Variants in KLF17 observed in about 807,000 individuals in gnomAD.
KLF17 encodes Krueppel-like factor 17.
A neutral mutation model predicts 34.2 loss-of-function variants in KLF17; 31 were observed. That is an observed-to-expected ratio of 0.91 (90% CI 0.68 to 1.22). The LOEUF is 1.22. KLF17 is among the 50% of genes most tolerant of loss of function. KLF17 has a pLI of 0.00. For synonymous variants in KLF17, 179 were observed against 186.7 expected, an observed-to-expected ratio of 0.96 and a Z score of 0.34; for missense variants, 478 against 505.2, an observed-to-expected ratio of 0.95 and a Z score of 0.52.
intron 1 of KLF17, among the ~76,000 whole-genome samples, chr1:44,124,334 C>CT (rs562700840): frequency 0.013 from 1,778 of 137,738 alleles, 20 homozygotes; most frequent in Admixed American, 0.044. Context: ...TGTATATATT[C>CT]TTTTTTTTTT....
At chr1:44,092,993 A>T in the KLF17 span, among the ~76,000 whole-genome samples, 13 of 152,378 alleles carry the variant, frequency 8.5e-5, no homozygotes, top group African/African-American at 3.1e-4. Context: ...AAGAAGGAAC[A>T]GACAAAATGA....
the KLF17 span, among the ~76,000 whole-genome samples, chr1:44,096,200 A>C: frequency 1.3e-5 from 2 of 151,764 alleles, no homozygotes; most frequent in Non-Finnish European, 2.9e-5. Flanking sequence ...CCTTGGCCTC[A>C]CAAAGTGCTG....
In KLF17 at chr1:44,130,743, C is replaced by G. The variant is rs1483713949; in HGVS notation, c.1157C>G (p.Ala386Gly). 1.2e-6 allele frequency: 2 copies of G among 1,614,090 alleles called. No homozygotes were observed. The highest frequency in any genetic ancestry group is 1.7e-6 in the Non-Finnish European group (2 of 1,179,986). ...NNNGEQDSPP[A>G]AGP ...AATGGAGAGCAGGACAGTCCTCCTGCTGCTGGTCCTTAGGTCAGTCTCCTC... is the reference window on the plus strand; with the variant it reads ...AATGGAGAGCAGGACAGTCCTCCTGGTGCTGGTCCTTAGGTCAGTCTCCTC... The change falls in exon 3 of 4, where the codon GCT (alanine) becomes GGT (glycine). Residue 386 changes from alanine (A) to glycine (G), a missense_variant. Coordinates refer to ENST00000372299, the MANE Select transcript of KLF17 (RefSeq NM_173484.4).
the KLF17 span, among the ~76,000 whole-genome samples, chr1:44,050,445 C>G: frequency 6.6e-6 from 1 of 152,178 alleles, no homozygotes. Context: ...TGGGAAGTTA[C>G]CACCCTTGTT....
rs138404452 is a variant in KLF17, at chr1:44,126,009, TTTTTG to T, written c.82-3319_82-3315del. On this transcript the variant is annotated intron_variant, in intron 1 of 3. Transcript: ENST00000372299. Reference sequence around the variant, plus strand: ...CCCTAATAGTTGGAGGACAAGGTTTTTTTTGTTTTGTTTTGTTTTGTTTTGTTTTT... The same window carrying T: ...CCCTAATAGTTGGAGGACAAGGTTTTTTTTGTTTTGTTTTGTTTTGTTTTT... Among the ~76,000 whole-genome samples the T allele has an allele frequency of 4.3e-4, 66 of 151,884 alleles. 2 individuals carry two copies. Among genetic ancestry groups the T allele is most frequent in the Admixed American group, 2.7e-3 (41 of 15,238 alleles).
chr1:44,090,495 T>C, the KLF17 span, among the ~76,000 whole-genome samples: 1 of 151,948 alleles, frequency 6.6e-6, no homozygotes, highest in Non-Finnish European at 1.5e-5. Flanking sequence ...TTCACAGTTC[T>C]ACTGCAAATC....
At chr1:44,104,127 C>A in the KLF17 span, 1 of 1,030,262 alleles carries the variant, frequency 9.7e-7, no homozygotes, top group Non-Finnish European at 1.5e-6. Flanking sequence ...GTCAGTCAGC[C>A]CTTCCAGGCC....
the KLF17 span, among the ~76,000 whole-genome samples, chr1:44,047,650 T>TCCTG: frequency 6.6e-6 from 1 of 152,170 alleles, no homozygotes; most frequent in Non-Finnish European, 1.5e-5. Context: ...CGTGAGAGCA[T>TCCTG]CCTGCCCTGG....
chr1:44,118,723 T>C, upstream of KLF17: 1 of 336,668 alleles, frequency 3.0e-6, no homozygotes, highest in Non-Finnish European at 5.0e-6. Flanking sequence ...GGTGGCAGCC[T>C]GGGGCAGGGC....
At chr1:44,111,951 T>C in the KLF17 span, among the ~76,000 whole-genome samples, 2 of 152,192 alleles carry the variant, frequency 1.3e-5, no homozygotes, top group Non-Finnish European at 2.9e-5. Flanking sequence ...AACTAAGCTA[T>C]AGACTTTATT....
upstream of KLF17, among the ~76,000 whole-genome samples, chr1:44,117,643 G>A (rs1214829538): frequency 6.6e-5 from 10 of 151,652 alleles, no homozygotes; most frequent in Admixed American, 2.0e-4. Flanking sequence ...TTACAGGCAC[G>A]CGCCACCACG....
At chr1:44,098,686 G>A in the KLF17 span, among the ~76,000 whole-genome samples, 2 of 150,838 alleles carry the variant, frequency 1.3e-5, no homozygotes, top group African/African-American at 4.9e-5. Flanking sequence ...GAGTAGCTGG[G>A]ACTACAGGTG....
upstream of KLF17, among the ~76,000 whole-genome samples, chr1:44,117,649 C>T (rs575483118): frequency 4.3e-4 from 65 of 151,988 alleles, no homozygotes; most frequent in Middle Eastern, 3.4e-3. Context: ...GCACGCGCCA[C>T]CACGCCTGGC....
At chr1:44,117,731 G>A (rs752987093), upstream of KLF17, among the ~76,000 whole-genome samples, 4 of 151,768 alleles carry the variant, frequency 2.6e-5, no homozygotes, top group Non-Finnish European at 5.9e-5. Flanking sequence ...CTGACCTCAA[G>A]TGATCTGCCC....
At chr1:44,112,326 A>G in the KLF17 span, among the ~76,000 whole-genome samples, 13 of 152,132 alleles carry the variant, frequency 8.5e-5, no homozygotes, top group East Asian at 2.3e-3. Flanking sequence ...CCTCCTCTTC[A>G]TCTCCCACCA....
the KLF17 span, among the ~76,000 whole-genome samples, chr1:44,058,487 C>G: frequency 1.3e-5 from 2 of 151,982 alleles, no homozygotes; most frequent in South Asian, 4.2e-4. Flanking sequence ...GATGGGCTTT[C>G]ACCATGTTGG....
At chr1:44,097,766 T>G in the KLF17 span, among the ~76,000 whole-genome samples, 1 of 152,204 alleles carries the variant, frequency 6.6e-6, no homozygotes, top group East Asian at 1.9e-4. Context: ...CATATATGAT[T>G]TTTTATTGTG....
chr1:44,053,459 G>T, the KLF17 span, among the ~76,000 whole-genome samples: 12 of 150,934 alleles, frequency 8.0e-5, no homozygotes, highest in South Asian at 6.3e-4. Context: ...CCCTAGTTCT[G>T]GGGGGGGAGG....
the KLF17 span, among the ~76,000 whole-genome samples, chr1:44,091,154 A>G: frequency 6.6e-6 from 1 of 152,248 alleles, no homozygotes; most frequent in East Asian, 1.9e-4. Context: ...AAAAAGAATA[A>G]TAAACCAATT....
Sources: gnomAD v4.1 joint callset for allele counts (sites outside exome capture counted in the v4.1 genomes callset) on GRCh38, gnomAD v4.1.1 for gene constraint, MANE v1.5 for transcripts, NCBI Gene and HGNC (gene_info 2026-07-23, HGNC 2026-07-21) for gene names.